The following PHF20L1 variants were observed in gnomAD, a reference collection of about 807,000 sequenced individuals.
PHF20L1 encodes the protein PHD finger protein 20 like 1, also known as PHD finger protein 20-like protein 1.
Under a neutral mutation model 125.5 loss-of-function variants are expected in PHF20L1, and 44 were observed. The observed-to-expected ratio is 0.35, with a 90% CI of 0.28 to 0.45. The LOEUF is 0.45. Ranked by LOEUF, PHF20L1 falls within the 20% of genes least tolerant of loss-of-function variation. The probability of loss-of-function intolerance (pLI) is 1.00; values close to 1 mark genes in which losing one functional copy is unlikely to be tolerated. For synonymous variants in PHF20L1, 380 were observed against 403.1 expected, an observed-to-expected ratio of 0.94 and a Z score of 0.69; for missense variants, 1,012 against 1,217.2, an observed-to-expected ratio of 0.83 and a Z score of 2.51.
intron 14 of PHF20L1, 39 bp from the exon 15 acceptor site, chr8:132,832,196 A>G (rs762326002): frequency 1.7e-5 from 21 of 1,269,828 alleles, no homozygotes; most frequent in Middle Eastern, 1.9e-4. Context: ...TAATTATCTG[A>G]CACTTTATTA....
chr8:132,782,682 G>T (rs1310268091), intron 2 of PHF20L1, among the ~76,000 whole-genome samples: 1 of 151,990 alleles, frequency 6.6e-6, no homozygotes, highest in Non-Finnish European at 1.5e-5. Flanking sequence ...TTACCTCCCG[G>T]GGCTCAAGCC....
At chr8:132,812,139 T>G in intron 9 of PHF20L1, 1 of 978,602 alleles carries the variant, frequency 1.0e-6, no homozygotes, top group Non-Finnish European at 1.2e-6. Flanking sequence ...ATCCAACGGT[T>G]AAGTCTTTGC....
intron 4 of PHF20L1, among the ~76,000 whole-genome samples, chr8:132,796,433 G>A (rs1832399276): frequency 6.6e-6 from 1 of 152,096 alleles, no homozygotes; most frequent in African/African-American, 2.4e-5. Flanking sequence ...TAGGAGGTAA[G>A]AGAAGATAGA....
chr8:132,837,218 A>G (rs976996944), intron 16 of PHF20L1, among the ~76,000 whole-genome samples: 40 of 146,284 alleles, frequency 2.7e-4, no homozygotes, highest in African/African-American at 1.1e-3. Context: ...GTGATGCCAG[A>G]AGATTTGGAG....
rs190485655 is a variant in PHF20L1 at position 132,834,504 on chromosome 8, T to A, written c.1910-2036T>A. ...ACAGGTCATCATGCCTAGCAAATTA[T>A]TTTTGCTTTTGTAGAGATGAGGGCT... On this transcript the variant is annotated intron_variant, in intron 15 of 20. Coordinates refer to ENST00000395386, the MANE Select transcript of PHF20L1 (RefSeq NM_016018.5). Among the ~76,000 whole-genome samples, 144 of 152,104 alleles carry A rather than the reference T, an allele frequency of 9.5e-4. 2 individuals carry two copies. The highest frequency in any genetic ancestry group is 8.5e-3 in the Admixed American group (129 of 15,248).
At chr8:132,816,690 C>A in intron 10 of PHF20L1, 198 bp from the exon 11 acceptor site, 2 of 461,234 alleles carry the variant, frequency 4.3e-6, no homozygotes, top group Non-Finnish European at 7.6e-6. Flanking sequence ...GTAGATTTTA[C>A]AATTTTTGAT....
chr8:132,819,421 C>G (rs976036281), intron 12 of PHF20L1, among the ~76,000 whole-genome samples: 1 of 151,754 alleles, frequency 6.6e-6, no homozygotes, highest in Admixed American at 6.6e-5. Flanking sequence ...GTGAAATTCT[C>G]ATTTGTTTCT....
intron 4 of PHF20L1, among the ~76,000 whole-genome samples, chr8:132,795,499 G>T (rs1045900426): frequency 6.6e-6 from 1 of 151,994 alleles, no homozygotes; most frequent in Non-Finnish European, 1.5e-5. Context: ...TCATTAATTT[G>T]GAAAGTTGTG....
rs2131942455 is a variant in PHF20L1 at position 132,842,627 on chromosome 8, G to A, written c.2500G>A (p.Glu834Lys). The part of the protein sequence containing the change: ...KKIAQDTVNR[E>K]EKKYVQNHKE... ...AATAGCTCAAGACACAGTTAATCGAGAAGAAAAGAAATATGTACAGAACCA... is the reference window on the plus strand; with the variant it reads ...AATAGCTCAAGACACAGTTAATCGAAAAGAAAAGAAATATGTACAGAACCA... Residue 834 changes from glutamate to lysine, a missense_variant, in exon 19 of 21, where the codon GAA (glutamate) becomes AAA (lysine). This residue lies in a region of PHF20L1 where 277 missense variants were observed against 283.6 expected (regional missense o/e 0.98). Transcript: ENST00000395386. 3 of 1,613,136 alleles carry A rather than the reference G, an allele frequency of 1.9e-6. No homozygotes were observed. Among genetic ancestry groups the A allele is most frequent in the Non-Finnish European group, 2.5e-6 (3 of 1,179,556 alleles).
Position 132,839,575 on chromosome 8 carries a change from A to G in PHF20L1, c.2380A>G (p.Ile794Val). Residue 794 changes from isoleucine (I) to valine (V), a missense_variant, in exon 18 of 21, where the codon ATA becomes GTA. By Grantham distance (29) the Ile-to-Val change is conservative. Transcript: ENST00000395386. Reference sequence around the variant, plus strand: ...ACACGGGCTACAGCTGAAGATTGGAATACTAAAGTAAGTGAAGGGCAGCAA... The same window carrying G: ...ACACGGGCTACAGCTGAAGATTGGAGTACTAAAGTAAGTGAAGGGCAGCAA... Reference protein sequence around the residue: ...VLHGLQLKIGILKNKHHPDLH... With the variant: ...VLHGLQLKIGVLKNKHHPDLH... 4 of 1,611,164 alleles carry G rather than the reference A, an allele frequency of 2.5e-6. No homozygotes were observed. The highest frequency in any genetic ancestry group is 3.4e-6 in the Non-Finnish European group (4 of 1,177,630).
intron 6 of PHF20L1, among the ~76,000 whole-genome samples, chr8:132,803,023 T>C (rs2131554594): frequency 6.6e-6 from 1 of 151,944 alleles, no homozygotes; most frequent in East Asian, 1.9e-4. Flanking sequence ...TATACTTCCT[T>C]ACACCTTTTT....
At chr8:132,811,324 G>T in intron 9 of PHF20L1, 196 bp downstream of exon 9, 6 of 1,298,638 alleles carry the variant, frequency 4.6e-6, no homozygotes, top group Non-Finnish European at 5.9e-6. Flanking sequence ...TGATTTCATA[G>T]ACTGGCATTA....
chr8:132,782,765 T>C (rs1830579907), intron 2 of PHF20L1, among the ~76,000 whole-genome samples: 1 of 151,628 alleles, frequency 6.6e-6, no homozygotes, highest in South Asian at 2.1e-4. Flanking sequence ...ATTTTCTTTT[T>C]CTTTTTCTTT....
At chr8:132,786,304 C>T (rs907493441) in intron 2 of PHF20L1, among the ~76,000 whole-genome samples, 1 of 151,600 alleles carries the variant, frequency 6.6e-6, no homozygotes, top group African/African-American at 2.4e-5. Flanking sequence ...GATGTAGTGC[C>T]CTTTTGTTTT....
chr8:132,799,392 T>G (rs1231528464), intron 6 of PHF20L1: 7 of 358,544 alleles, frequency 2.0e-5, no homozygotes, highest in Non-Finnish European at 3.0e-5. Context: ...AAGCAGTGTA[T>G]TGTATGCTTT....
At chr8:132,804,584 A>AG in intron 7 of PHF20L1, 31 bp from the exon 8 acceptor site, 1 of 1,547,182 alleles carries the variant, frequency 6.5e-7, no homozygotes, top group Non-Finnish European at 8.8e-7. Flanking sequence ...ATTCTAGATA[A>AG]ACTCTCATAT....
At chr8:132,776,906 C>G (rs1157177699) in intron 1 of PHF20L1, among the ~76,000 whole-genome samples, 1 of 152,090 alleles carries the variant, frequency 6.6e-6, no homozygotes. Context: ...ATTCATATTC[C>G]TCACATACCC....
intron 12 of PHF20L1, among the ~76,000 whole-genome samples, chr8:132,820,185 T>C (rs952493440): frequency 1.3e-5 from 2 of 151,858 alleles, no homozygotes; most frequent in African/African-American, 4.8e-5. Context: ...GATGCCTTTG[T>C]TTTTATTTTA....
rs1834342266 is a variant in PHF20L1, at chr8:132,811,103, A to G, written c.905A>G (p.Asn302Ser). The G allele has an allele frequency of 1.9e-6, 3 of 1,613,196 alleles. No individual in the cohort carries two copies. Among genetic ancestry groups the G allele is most frequent in the Non-Finnish European group, 1.7e-6 (2 of 1,179,244 alleles). The change falls in exon 9 of 21, where the codon AAT (asparagine) becomes AGT (serine). Residue 302 changes from asparagine to serine, a missense_variant. This residue lies in a region of PHF20L1 where 119 missense variants were observed against 160.2 expected (regional missense o/e 0.74). Transcript: ENST00000395386. Reference sequence around the variant, plus strand: ...GGTGCTGAAAAAAAGGAAGACTACAATGAAACAGCTCCAATGCTGGAGCAG... The same window carrying G: ...GGTGCTGAAAAAAAGGAAGACTACAGTGAAACAGCTCCAATGCTGGAGCAG... ...VDGAEKKEDY[N>S]ETAPMLEQAI...
Sources: allele counts gnomAD v4.1 joint callset (sites outside exome capture counted in the v4.1 genomes callset), GRCh38; gene constraint gnomAD v4.1.1; regional missense constraint gnomAD v4.1.1; transcripts MANE v1.5; gene names NCBI Gene and HGNC (gene_info 2026-07-23, HGNC 2026-07-21).